AGBL3: variants seen among roughly 807,000 people sequenced by gnomAD.
AGBL3 encodes cytosolic carboxypeptidase 3.
AGBL3 carries 68 observed loss-of-function variants against 94.5 expected under a neutral mutation model. That is an observed-to-expected ratio of 0.72 (90% CI 0.59 to 0.88). The LOEUF (loss-of-function observed/expected upper bound fraction) is 0.88, where lower values mean the gene tolerates loss of function less well. Among genes scored for constraint, AGBL3 ranks in the 40% least tolerant of loss-of-function variants. The pLI, the probability that AGBL3 is intolerant of heterozygous loss-of-function variation, is 0.00. For synonymous variants in AGBL3, 354 were observed against 370.7 expected, an observed-to-expected ratio of 0.95 and a Z score of 0.52; for missense variants, 934 against 1,103.8, an observed-to-expected ratio of 0.85 and a Z score of 2.18.
intron 4 of AGBL3, among the ~76,000 whole-genome samples, chr7:135,009,626 C>T (rs561028365): frequency 5.9e-5 from 9 of 152,222 alleles, no homozygotes; most frequent in Non-Finnish European, 1.2e-4. Context: ...GCAGAGGCTG[C>T]TGTTCCCCTC....
chr7:135,042,806 G>C (rs770044044), intron 8 of AGBL3, among the ~76,000 whole-genome samples: 6 of 152,128 alleles, frequency 3.9e-5, no homozygotes, highest in Non-Finnish European at 5.9e-5. Flanking sequence ...AGCTATTTGG[G>C]AGACTGAGGT....
intron 15 of AGBL3, among the ~76,000 whole-genome samples, chr7:135,115,177 G>A (rs185721700): frequency 1.3e-4 from 19 of 151,990 alleles, no homozygotes; most frequent in African/African-American, 3.1e-4. Flanking sequence ...ACTCCCCTCC[G>A]CAGCTTTACT....
At chr7:135,118,503 G>A (rs561119182) in intron 16 of AGBL3, among the ~76,000 whole-genome samples, 1 of 152,254 alleles carries the variant, frequency 6.6e-6, no homozygotes, top group East Asian at 1.9e-4. Flanking sequence ...TTGCAGTAAT[G>A]AGGTCTTATC....
chr7:135,050,642 A>T (rs1183569547), intron 11 of AGBL3, among the ~76,000 whole-genome samples: 1 of 151,878 alleles, frequency 6.6e-6, no homozygotes, highest in Non-Finnish European at 1.5e-5. Flanking sequence ...TAGTGGATTG[A>T]CCCTTTTATC....
intron 4 of AGBL3, among the ~76,000 whole-genome samples, chr7:134,997,215 A>G (rs1051102086): frequency 1.3e-5 from 2 of 152,136 alleles, no homozygotes; most frequent in African/African-American, 2.4e-5. Flanking sequence ...ATGAGAATCT[A>G]ATGTTGCTGC....
chr7:135,020,869 TG>T (rs1473390656), intron 5 of AGBL3, among the ~76,000 whole-genome samples: 2 of 127,210 alleles, frequency 1.6e-5, no homozygotes, highest in Non-Finnish European at 3.1e-5. Context: ...TGAGAACACT[TG>T]GACACAGGAA....
intron 16 of AGBL3, among the ~76,000 whole-genome samples, chr7:135,117,716 T>C (rs1240229301): frequency 6.6e-6 from 1 of 152,248 alleles, no homozygotes; most frequent in Non-Finnish European, 1.5e-5. Flanking sequence ...ATTTGCTTGC[T>C]GCTTTCCTAC....
At chr7:135,106,028 C>T (rs1215970663) in intron 15 of AGBL3, among the ~76,000 whole-genome samples, 1 of 152,040 alleles carries the variant, frequency 6.6e-6, no homozygotes, top group African/African-American at 2.4e-5. Flanking sequence ...CCTGATTTGG[C>T]TCTCGGTTAG....
At chr7:135,113,217 A>G (rs1825881612) in intron 15 of AGBL3, among the ~76,000 whole-genome samples, 1 of 151,806 alleles carries the variant, frequency 6.6e-6, no homozygotes, top group Admixed American at 6.5e-5. Context: ...TGTGTGCTTT[A>G]TTTATCTTTT....
At chr7:135,100,190 C>CAT (rs1554517686) in intron 15 of AGBL3, 150 of 142,180 alleles carry the variant, frequency 1.1e-3, no homozygotes, top group African/African-American at 3.4e-3. Context: ...CCGAGTTTCT[C>CAT]TTTAAAAAAA....
chr7:134,998,015 A>T (rs1485415558), intron 4 of AGBL3, among the ~76,000 whole-genome samples: 1 of 152,216 alleles, frequency 6.6e-6, no homozygotes, highest in Non-Finnish European at 1.5e-5. Flanking sequence ...TTTCATTGAT[A>T]TTACATACCA....
At chr7:135,034,057 C>T (rs2116444276) in intron 6 of AGBL3, 92 bp from the exon 7 acceptor site, 1 of 1,106,174 alleles carries the variant, frequency 9.0e-7, no homozygotes, top group East Asian at 2.8e-5. Context: ...AAATAATTTT[C>T]CTTATTTAAC....
At chr7:135,061,515 G>A (rs942087272) in intron 12 of AGBL3, among the ~76,000 whole-genome samples, 2 of 152,026 alleles carry the variant, frequency 1.3e-5, no homozygotes, top group Admixed American at 6.6e-5. Flanking sequence ...TAGTTTTATA[G>A]TTTCAAGTCT....
chr7:135,069,896 A>C (rs1452453957), intron 12 of AGBL3, among the ~76,000 whole-genome samples: 1 of 152,242 alleles, frequency 6.6e-6, no homozygotes, highest in East Asian at 1.9e-4. Flanking sequence ...AAGGAAATAG[A>C]GGCACAAAAA....
chr7:135,060,727 T>G (rs1410082873), intron 12 of AGBL3, among the ~76,000 whole-genome samples: 1 of 152,182 alleles, frequency 6.6e-6, no homozygotes, highest in Non-Finnish European at 1.5e-5. Context: ...AGTGAAAAGA[T>G]TTCCTTCTTT....
At chr7:135,106,020 T>C (rs1824657483) in intron 15 of AGBL3, among the ~76,000 whole-genome samples, 1 of 152,210 alleles carries the variant, frequency 6.6e-6, no homozygotes, top group Admixed American at 6.5e-5. Flanking sequence ...ATTGTGTTCC[T>C]GATTTGGCTC....
In AGBL3 at chr7:135,017,096, T is replaced by G; in HGVS notation, c.355T>G (p.Leu119Val). Reference protein sequence around the residue: ...CPEPVYIPTGLETEPLYPDSK... With the variant: ...CPEPVYIPTGVETEPLYPDSK... ...TGAGCCAGTGTATATCCCAACGGGC[T>G]TAGAAACGGAACCCCTTTATCCAGA... The change falls in exon 5 of 17, where the codon TTA (leucine) becomes GTA (valine). Residue 119 changes from leucine (L) to valine (V), a missense_variant. Leu to Val is a conservative substitution (Grantham distance 32). Transcript: ENST00000436302. The G allele has an allele frequency of 6.4e-7, 1 of 1,551,344 alleles. No individual in the cohort carries two copies. The highest frequency in any genetic ancestry group is 8.7e-7 in the Non-Finnish European group (1 of 1,146,332).
chr7:135,129,038 T>C (rs1330505883), intron 16 of AGBL3: 13 of 1,608,618 alleles, frequency 8.1e-6, no homozygotes, highest in Admixed American at 5.0e-5. Flanking sequence ...AGATCAGAGA[T>C]GGCCAGGTTC....
At chr7:135,044,204 A>G (rs1402625605) in intron 9 of AGBL3, 53 bp downstream of exon 9, 20 of 1,495,476 alleles carry the variant, frequency 1.3e-5, no homozygotes, top group Non-Finnish European at 1.7e-5. Flanking sequence ...CCAAACATGT[A>G]TAATTTAATG....
Sources: gnomAD v4.1 joint callset for allele counts (sites outside exome capture counted in the v4.1 genomes callset) on GRCh38, gnomAD v4.1.1 for gene constraint, MANE v1.5 for transcripts, NCBI Gene and HGNC (gene_info 2026-07-23, HGNC 2026-07-21) for gene names.